TEAD4: variants seen among roughly 807,000 people sequenced by gnomAD.
TEAD4 encodes the protein transcriptional enhancer factor TEF-3.
Under a neutral mutation model 52.4 loss-of-function variants are expected in TEAD4, and 36 were observed. The ratio of observed to expected loss-of-function variants is 0.69; its 90% CI spans 0.53 to 0.91. TEAD4 has a LOEUF of 0.91. Among genes scored for constraint, TEAD4 ranks in the 40% least tolerant of loss-of-function variants. The pLI is 0.00. For missense variants in TEAD4, 508 were observed against 583.9 expected (o/e 0.87, Z 1.34); for synonymous variants, 220 against 231.0 (o/e 0.95, Z 0.43).
chr12:2,978,396 T>G (rs2098231492), intron 2 of TEAD4, among the ~76,000 whole-genome samples: 1 of 151,524 alleles, frequency 6.6e-6, no homozygotes. Context: ...TTTGTCTTTT[T>G]GTTTTTTTTT....
At chr12:3,009,831 C>A (rs1172453577) in intron 3 of TEAD4, among the ~76,000 whole-genome samples, 1 of 152,244 alleles carries the variant, frequency 6.6e-6, no homozygotes, top group Non-Finnish European at 1.5e-5. Flanking sequence ...CCTTTTCTGG[C>A]AGACAGTACC....
intron 3 of TEAD4, among the ~76,000 whole-genome samples, chr12:3,010,633 C>T (rs2098259512): frequency 6.6e-6 from 1 of 152,150 alleles, no homozygotes; most frequent in South Asian, 2.1e-4. Context: ...TCCCTGGAGC[C>T]TCCCAAGTGT....
chr12:2,990,461 C>CTT (rs71057876), intron 2 of TEAD4, among the ~76,000 whole-genome samples: 10,663 of 67,034 alleles, frequency 0.16, 4,494 homozygotes, highest in Non-Finnish European at 0.22. Flanking sequence ...GACAGATAAT[C>CTT]TTTTTTTTTT....
chr12:3,003,905 G>A (rs563811431), intron 3 of TEAD4, among the ~76,000 whole-genome samples: 48 of 152,352 alleles, frequency 3.2e-4, no homozygotes, highest in African/African-American at 1.1e-3. Context: ...ACAAGGACAA[G>A]CCCCTCCCAC....
At chr12:2,971,813 T>TC (rs1200642622) in intron 2 of TEAD4, among the ~76,000 whole-genome samples, 6 of 136,084 alleles carry the variant, frequency 4.4e-5, no homozygotes, top group Admixed American at 2.3e-4. Flanking sequence ...TTTCTTTCTT[T>TC]CTTTTTTTTT....
At chr12:2,979,581 G>C (rs983316262) in intron 2 of TEAD4, among the ~76,000 whole-genome samples, 1 of 152,238 alleles carries the variant, frequency 6.6e-6, no homozygotes, top group African/African-American at 2.4e-5. Context: ...TGACTGTGAA[G>C]ATACTGGGAG....
intron 2 of TEAD4, among the ~76,000 whole-genome samples, chr12:2,987,820 C>T (rs2098239849): frequency 1.3e-5 from 2 of 151,790 alleles, no homozygotes; most frequent in Non-Finnish European, 2.9e-5. Flanking sequence ...AATCCCAGCA[C>T]TTTGGGAGGC....
Position 2,961,047 on chromosome 12 carries a change from AG to A in TEAD4, c.-30+1009del, listed in dbSNP as rs537738806. On this transcript the variant is annotated intron_variant, in intron 2 of 12. Coordinates refer to ENST00000359864, the MANE Select transcript of TEAD4 (RefSeq NM_003213.4). ...GGTCAAAAAGCTGGTAGGAGGCTGA[AG>A]GAAGTTGAGATCTTTGCCTTTGGGG... 1.0e-3 allele frequency among the ~76,000 whole-genome samples: 155 copies of A among 149,508 alleles called. 1 individual carries two copies. The highest frequency in any genetic ancestry group is 3.6e-3 in the African/African-American group (149 of 41,070).
At chr12:2,972,866 C>T (rs2098226428) in intron 2 of TEAD4, among the ~76,000 whole-genome samples, 1 of 152,126 alleles carries the variant, frequency 6.6e-6, no homozygotes, top group Admixed American at 6.6e-5. Flanking sequence ...ATACATACAG[C>T]AAAATACAGT....
chr12:3,030,693 G>C (rs1295399662), intron 10 of TEAD4, among the ~76,000 whole-genome samples: 2 of 152,076 alleles, frequency 1.3e-5, no homozygotes, highest in Non-Finnish European at 2.9e-5. Context: ...ATAAACTGGG[G>C]TAGTCAGTCT....
chr12:2,974,362 A>T (rs1341013860), intron 2 of TEAD4, among the ~76,000 whole-genome samples: 3 of 152,184 alleles, frequency 2.0e-5, no homozygotes, highest in African/African-American at 4.8e-5. Context: ...ATCCCTGACC[A>T]GGCAGGGTGG....
At chr12:2,975,182 AC>A (rs59786812) in intron 2 of TEAD4, among the ~76,000 whole-genome samples, 1,810 of 128,962 alleles carry the variant, frequency 0.014, 33 homozygotes, top group Middle Eastern at 0.027. Flanking sequence ...AAACAAACAA[AC>A]AAAAAAAGAC....
chr12:2,966,318 G>C lies in TEAD4; in HGVS notation c.-30+6278G>C, dbSNP rs116594226. ...GAAGAGGTCCCCGTGATGTGCCGCA[G>C]GGCTGTCTTTGGCTTAGTCCTCTAT... On this transcript the variant is annotated intron_variant, in intron 2 of 12. Coordinates refer to ENST00000359864, the MANE Select transcript of TEAD4 (RefSeq NM_003213.4). 5.5e-3 allele frequency among the ~76,000 whole-genome samples: 835 copies of C among 152,250 alleles called. 9 individuals are homozygous for C. Among genetic ancestry groups the C allele is most frequent in the African/African-American group, 0.019 (792 of 41,540 alleles).
intron 2 of TEAD4, among the ~76,000 whole-genome samples, chr12:2,979,970 AG>A (rs2098232836): frequency 6.6e-6 from 1 of 152,160 alleles, no homozygotes; most frequent in South Asian, 2.1e-4. Context: ...TCTTTCTGGC[AG>A]GGGAGCCTGT....
At position 2,995,085 on chromosome 12, in the gene TEAD4, A is replaced by T. The variant is rs1256527589; in HGVS notation, c.226+93A>T. 4.1e-6 allele frequency: 6 copies of T among 1,462,508 alleles called. No individual in the cohort carries two copies. In the African/African-American group the frequency reaches 7.0e-5, roughly 17 times the overall value. 90.6% of individuals were successfully genotyped at this position (1,462,508 alleles called of 1,614,324 possible). A position where few individuals can be genotyped will look rare whatever the true frequency, so the allele number is the denominator to read the frequency against. ...GGTTCCTGCCGGGCCACAGAAGGGG[A>T]TGACCACTTGGGGCTTTGTCGGGTG... On this transcript the variant is annotated intron_variant, in intron 3 of 12. Transcript: ENST00000359864.
intron 2 of TEAD4, among the ~76,000 whole-genome samples, chr12:2,982,661 C>A (rs910936949): frequency 6.6e-6 from 1 of 152,190 alleles, no homozygotes; most frequent in Non-Finnish European, 1.5e-5. Flanking sequence ...TCGCCAGTGA[C>A]GGCTGTGAAC....
At chr12:3,011,139 A>T in intron 4 of TEAD4, 71 bp downstream of exon 4, 1 of 1,541,286 alleles carries the variant, frequency 6.5e-7, no homozygotes, top group Non-Finnish European at 9.0e-7. Context: ...AAGGTGGGCC[A>T]GGCCCTCCCA....
At chr12:2,968,385 CTTTTTT>C (rs61672018) in intron 2 of TEAD4, among the ~76,000 whole-genome samples, 8 of 55,064 alleles carry the variant, frequency 1.5e-4, no homozygotes, top group Admixed American at 7.1e-4. Flanking sequence ...CGCGCCCGGC[CTTTTTT>C]TTTTTTTTTT....
intron 10 of TEAD4, among the ~76,000 whole-genome samples, chr12:3,035,163 C>T (rs905431942): frequency 2.6e-5 from 4 of 152,034 alleles, no homozygotes; most frequent in African/African-American, 9.7e-5. Context: ...AGAATAGAAT[C>T]CTTGATTTCA....
Sources: allele counts gnomAD v4.1 joint callset (sites outside exome capture counted in the v4.1 genomes callset), GRCh38; gene constraint gnomAD v4.1.1; transcripts MANE v1.5; gene names NCBI Gene and HGNC (gene_info 2026-07-23, HGNC 2026-07-21).